HSPH1: variants seen among roughly 807,000 people sequenced by gnomAD.
HSPH1 encodes the protein heat shock protein 105 kDa.
HSPH1 carries 40 observed loss-of-function variants against 100.0 expected under a neutral mutation model. The observed-to-expected ratio is 0.40, with a 90% CI of 0.31 to 0.52. The LOEUF is 0.52. Among genes scored for constraint, HSPH1 ranks in the 20% least tolerant of loss-of-function variants. The pLI, the probability that HSPH1 is intolerant of heterozygous loss-of-function variation, is 0.54. For missense variants in HSPH1, 876 were observed against 1,015.1 expected, an observed-to-expected ratio of 0.86 and a Z score of 1.86; for synonymous variants, 403 against 344.0, an observed-to-expected ratio of 1.17 and a Z score of -1.90.
intron 1 of HSPH1, among the ~76,000 whole-genome samples, chr13:31,160,649 A>G (rs745727280): frequency 6.6e-6 from 1 of 152,204 alleles, no homozygotes; most frequent in Non-Finnish European, 1.5e-5. Context: ...CCTATAGAAT[A>G]TTTAGTTCAG....
intron 13 of HSPH1, 189 bp from the exon 14 acceptor site, chr13:31,140,498 T>A (rs982590400): frequency 1.7e-5 from 7 of 404,438 alleles, no homozygotes; most frequent in Admixed American, 4.0e-5. Context: ...ATACTCAGGC[T>A]GAAGTTTGAT....
chr13:31,148,509 A>T, intron 8 of HSPH1, 29 bp from the exon 9 acceptor site: 1 of 909,632 alleles, frequency 1.1e-6, no homozygotes, highest in Non-Finnish European at 1.6e-6. Context: ...AATCATGAGC[A>T]CATGAACACT....
chr13:31,140,929 T>C (rs1184342266), intron 13 of HSPH1, 193 bp downstream of exon 13: 2 of 402,914 alleles, frequency 5.0e-6, no homozygotes, highest in East Asian at 3.8e-5. Context: ...TCATGTTATA[T>C]CAAGCAGAAA....
In HSPH1 at chr13:31,138,390, G is replaced by C; in HGVS notation, c.2370+17C>G. 1 of 1,609,794 alleles carries C rather than the reference G, an allele frequency of 6.2e-7. No individual in the cohort carries two copies. The highest frequency in any genetic ancestry group is 8.5e-7 in the Non-Finnish European group (1 of 1,177,672). ...CGTAAGTGAACCCAGCAGTAAACACGAGACAGTAACACTCACCTTGATTTT... is the reference window on the plus strand; with the variant it reads ...CGTAAGTGAACCCAGCAGTAAACACCAGACAGTAACACTCACCTTGATTTT... On this transcript the variant is annotated intron_variant, in intron 17 of 17. Coordinates refer to ENST00000320027, the MANE Select transcript of HSPH1 (RefSeq NM_006644.4).
At chr13:31,158,526 G>C (rs1307022407) in intron 2 of HSPH1, among the ~76,000 whole-genome samples, 1 of 140,384 alleles carries the variant, frequency 7.1e-6, no homozygotes, top group Non-Finnish European at 1.5e-5. Context: ...TCTAGCCTGG[G>C]TAACAGAGCG....
intron 8 of HSPH1, 113 bp from the exon 9 acceptor site, chr13:31,148,593 A>T: frequency 2.0e-6 from 1 of 494,792 alleles, no homozygotes; most frequent in Non-Finnish European, 3.5e-6. Context: ...AAAAAAAACA[A>T]CTCACATTCC....
At chr13:31,146,008 G>A (rs538826181) in intron 10 of HSPH1, among the ~76,000 whole-genome samples, 19 of 151,980 alleles carry the variant, frequency 1.3e-4, no homozygotes, top group Non-Finnish European at 2.6e-4. Context: ...AGTGGCATGC[G>A]CCTGTAGTCC....
upstream of HSPH1, chr13:31,162,022 C>T: frequency 6.5e-7 from 1 of 1,536,090 alleles, no homozygotes; most frequent in Non-Finnish European, 8.7e-7. Flanking sequence ...CTTCCGCTTC[C>T]TTCTTCTCGA....
At chr13:31,137,878 T>A (rs1320881573) in intron 17 of HSPH1, among the ~76,000 whole-genome samples, 1 of 152,190 alleles carries the variant, frequency 6.6e-6, no homozygotes, top group African/African-American at 2.4e-5. Context: ...AATTCAAGTT[T>A]ACAGCTTGAA....
At chr13:31,147,918 C>G (rs1050610135) in intron 10 of HSPH1, 41 bp downstream of exon 10, 3 of 1,519,532 alleles carry the variant, frequency 2.0e-6, no homozygotes, top group African/African-American at 2.9e-5. Context: ...GAAGCTAAGT[C>G]TTTAACTAAA....
Position 31,159,470 on chromosome 13 carries a change from A to C in HSPH1, c.108-607T>G, listed in dbSNP as rs1956818264. Among the ~76,000 whole-genome samples, 4 of 152,372 alleles carry C rather than the reference A, an allele frequency of 2.6e-5. No individual in the cohort carries two copies. In the South Asian group the frequency reaches 8.3e-4, roughly 32 times the overall value. On this transcript the variant is annotated intron_variant, in intron 1 of 17. Transcript: ENST00000320027. ...ATATAAATGTCGAGGGAAAGGAGTG[A>C]CTAATCAGTTACATCAAATCTGTTT...
intron 3 of HSPH1, 137 bp downstream of exon 3, chr13:31,155,377 C>A: frequency 1.7e-6 from 1 of 599,882 alleles, no homozygotes; most frequent in South Asian, 2.5e-5. Flanking sequence ...ATCTACTATA[C>A]TTTAAAAGGA....
intron 12 of HSPH1, among the ~76,000 whole-genome samples, chr13:31,143,545 GT>G (rs754959176): frequency 9.2e-5 from 14 of 152,148 alleles, no homozygotes; most frequent in Admixed American, 3.9e-4. Context: ...TTAGTCTCTT[GT>G]TACTTCGAGT....
At chr13:31,142,796 G>A (rs530611658) in intron 12 of HSPH1, among the ~76,000 whole-genome samples, 1 of 152,028 alleles carries the variant, frequency 6.6e-6, no homozygotes, top group African/African-American at 2.4e-5. Context: ...AAGACTATCG[G>A]CAAGAGTTGA....
rs370294302 is a variant in HSPH1, at chr13:31,145,567, G to A, written c.1580C>T (p.Thr527Ile). The A allele has an allele frequency of 3.1e-6, 5 of 1,612,276 alleles. No homozygotes were observed. The highest frequency in any genetic ancestry group is 1.1e-5 in the South Asian group (1 of 91,044). ...LNQRPPENPDTDKNVQQDNSE... is the reference protein window; with the variant it reads ...LNQRPPENPDIDKNVQQDNSE... The stretch of plus-strand genomic sequence containing the variant: ...AAGGTTTATCCACAAACTTACATCA[G>A]TGTCTGGGTTTTCTGGTGGTCTCTG... The change falls in exon 11 of 18, where the codon ACT becomes ATT. Residue 527 changes from threonine to isoleucine, a missense_variant. Physicochemically the swap from Thr to Ile is moderately conservative, Grantham distance 89. Coordinates refer to ENST00000320027, the MANE Select transcript of HSPH1 (RefSeq NM_006644.4).
At chr13:31,161,353 G>C (rs772457926) in intron 1 of HSPH1, 123 bp downstream of exon 1, 1 of 1,475,580 alleles carries the variant, frequency 6.8e-7, no homozygotes, top group South Asian at 1.3e-5. Context: ...TCCACGGAGG[G>C]GTGCGCCGCT....
At position 31,151,062 on chromosome 13, in the gene HSPH1, G is replaced by A. The variant is rs542737852; in HGVS notation, c.793C>T (p.Arg265Cys). The A allele has an allele frequency of 5.6e-6, 9 of 1,613,648 alleles. No homozygotes were observed. The highest frequency in any genetic ancestry group is 1.7e-5 in the Admixed American group (1 of 59,952). Residue 265 changes from arginine to cysteine, a missense_variant, in exon 7 of 18, where the codon CGT (arginine) becomes TGT (cysteine). Physicochemically the swap from Arg to Cys is radical, Grantham distance 180 (BLOSUM62 -3). Transcript: ENST00000320027. ...DAKSKIRALL[R>C]LYQECEKLKK... ...AGTTTTTCACATTCCTGATACAGAC[G>A]TAGGAGTGCTCGTATTTTGGATTTT...
At position 31,141,264 on chromosome 13, in the gene HSPH1, G is replaced by A; in HGVS notation, c.1717-5C>T. On this transcript the variant is annotated splice_region_variant and splice_polypyrimidine_tract_variant and intron_variant, in intron 12 of 17. Transcript: ENST00000320027. Reference sequence around the variant, plus strand: ...GTCAACTTTTTTTTCATTTGCCTTGGGAAGAGGAATAAAAAAAGGAAAAAA... The same window carrying A: ...GTCAACTTTTTTTTCATTTGCCTTGAGAAGAGGAATAAAAAAAGGAAAAAA... 2 of 1,582,656 alleles carry A rather than the reference G, an allele frequency of 1.3e-6. No individual in the cohort carries two copies. The highest frequency in any genetic ancestry group is 1.2e-5 in the South Asian group (1 of 84,400).
In HSPH1 at chr13:31,150,088, C is replaced by T; in HGVS notation, c.1003G>A (p.Val335Met). Residue 335 changes from valine (V) to methionine (M), a missense_variant, in exon 8 of 18, where the codon GTG becomes ATG. Transcript: ENST00000320027. ...CCTCCAACAATCTCAACTGCACTCA[C>T]ATCTTCTACTTTGAGATGAGTTTGT... is the stretch of plus-strand genomic sequence containing the variant. Reference protein sequence around the residue: ...LEQTHLKVEDVSAVEIVGGAT... With the variant: ...LEQTHLKVEDMSAVEIVGGAT... 6.2e-7 allele frequency: 1 copy of T among 1,613,788 alleles called. No individual in the cohort carries two copies. Among genetic ancestry groups the T allele is most frequent in the Non-Finnish European group, 8.5e-7 (1 of 1,179,736 alleles).
Sources: allele counts gnomAD v4.1 joint callset (sites outside exome capture counted in the v4.1 genomes callset), GRCh38; gene constraint gnomAD v4.1.1; transcripts MANE v1.5; gene names NCBI Gene and HGNC (gene_info 2026-07-23, HGNC 2026-07-21).